Variants in ZNF334 observed in about 807,000 individuals in gnomAD.
ZNF334 encodes zinc finger protein 334.
In ZNF334, 14 loss-of-function variants were observed where a neutral mutation model predicts 12.4. The ratio of observed to expected loss-of-function variants is 1.13; its 90% CI spans 0.74 to 1.76. The LOEUF (loss-of-function observed/expected upper bound fraction) is 1.76. Among genes scored for constraint, ZNF334 ranks in the 40% most tolerant of loss-of-function variants. The pLI is 0.00. For synonymous variants in ZNF334, 273 were observed against 269.6 expected, an observed-to-expected ratio of 1.01 and a Z score of -0.12; for missense variants, 797 against 804.5, an observed-to-expected ratio of 0.99 and a Z score of 0.11.
chr20:46,473,493 T>C, the ZNF334 span, among the ~76,000 whole-genome samples: 1 of 152,264 alleles, frequency 6.6e-6, no homozygotes, highest in African/African-American at 2.4e-5. Context: ...TAAGAACTGC[T>C]CTAACTATAC....
intron 2 of ZNF334, chr20:46,506,380 C>T (rs1213618951): frequency 1.8e-6 from 1 of 565,748 alleles, no homozygotes; most frequent in Non-Finnish European, 3.2e-6. Flanking sequence ...AATCCCAGCA[C>T]TCTGAGAGGT....
the ZNF334 span, among the ~76,000 whole-genome samples, chr20:46,475,673 G>T: frequency 3.9e-5 from 6 of 152,288 alleles, no homozygotes; most frequent in Non-Finnish European, 8.8e-5. Flanking sequence ...CACATGAAAA[G>T]TGTTCAACAT....
the ZNF334 span, among the ~76,000 whole-genome samples, chr20:46,468,928 G>A: frequency 1.3e-5 from 2 of 152,218 alleles, no homozygotes; most frequent in African/African-American, 4.8e-5. Context: ...CTGTACTATA[G>A]GTGGCACTGT....
chr20:46,511,022 A>T (rs1341223271), intron 2 of ZNF334, among the ~76,000 whole-genome samples: 1 of 152,114 alleles, frequency 6.6e-6, no homozygotes, highest in Non-Finnish European at 1.5e-5. Context: ...CATGAAAAAA[A>T]ATCAGAAAGA....
the ZNF334 span, chr20:46,464,030 C>T: frequency 1.6e-6 from 1 of 635,958 alleles, no homozygotes; most frequent in Admixed American, 1.8e-5. Context: ...ACAACCTCTT[C>T]TTCATTGTTG....
chr20:46,506,166 G>C (rs2069531624), intron 2 of ZNF334: 2 of 398,116 alleles, frequency 5.0e-6, no homozygotes, highest in African/African-American at 2.1e-5. Context: ...CTGGCAGTTT[G>C]ATATATGGTT....
At chr20:46,480,520 C>T in the ZNF334 span, among the ~76,000 whole-genome samples, 2 of 152,042 alleles carry the variant, frequency 1.3e-5, no homozygotes, top group African/African-American at 4.8e-5. Flanking sequence ...TGGCACAAAC[C>T]TATCTGGGTG....
At chr20:46,499,492 G>C (rs1265543143), downstream of ZNF334, 1 of 152,032 alleles carries the variant, frequency 6.6e-6, no homozygotes, top group East Asian at 1.9e-4. Context: ...TTGAAATTTG[G>C]TGTCTTATTG....
At chr20:46,505,992 A>T in intron 2 of ZNF334, 1 of 184,300 alleles carries the variant, frequency 5.4e-6, no homozygotes. Context: ...CAGTAGATGT[A>T]ATGTGCATAT....
chr20:46,488,380 C>T, the ZNF334 span, among the ~76,000 whole-genome samples: 2 of 133,294 alleles, frequency 1.5e-5, no homozygotes, highest in South Asian at 4.6e-4. Flanking sequence ...TAGTATACTC[C>T]TTCATGTAGA....
the ZNF334 span, among the ~76,000 whole-genome samples, chr20:46,469,504 G>A: frequency 6.6e-6 from 1 of 151,730 alleles, no homozygotes; most frequent in East Asian, 1.9e-4. Context: ...GAGTAGCTGA[G>A]ACTACAGGTG....
Position 46,499,711 on chromosome 20 carries a change from T to C in ZNF334, c.*1585A>G, listed in dbSNP as rs2061089243. The stretch of plus-strand genomic sequence containing the variant: ...TTCTTTCACAATAGCAACCAAATCT[T>C]TGAAGTGACTATTAATACATTTCAC... On this transcript the variant is annotated 3_prime_UTR_variant, in exon 5 of 5. Transcript: ENST00000692313. The C allele has an allele frequency of 1.3e-5, 2 of 152,210 alleles. No homozygotes were observed. Among genetic ancestry groups the C allele is most frequent in the Non-Finnish European group, 2.9e-5 (2 of 68,036 alleles). The allele number at this position is 152,210 out of a possible 1,614,324, so 9.4% of individuals were successfully genotyped here. A position where few individuals can be genotyped will look rare whatever the true frequency, so the allele number is the denominator to read the frequency against.
In ZNF334 at chr20:46,501,924, T is replaced by C. The variant is rs139473216; in HGVS notation, c.1415A>G (p.His472Arg). Residue 472 changes from histidine (H) to arginine (R), a missense_variant, in exon 5 of 5, where the codon CAT (histidine) becomes CGT (arginine). Physicochemically the swap from His to Arg is conservative, Grantham distance 29. Transcript: ENST00000692313. ...CTGATGTATAGTGAGTGTTGACTTATGGCAGAAAAATTTCCCACATTCATT... is the reference window on the plus strand; with the variant it reads ...CTGATGTATAGTGAGTGTTGACTTACGGCAGAAAAATTTCCCACATTCATT... ...ECNECGKFFC[H>R]KSTLTIHQRT... 5.6e-6 allele frequency: 9 copies of C among 1,614,018 alleles called. No individual in the cohort carries two copies. The highest frequency in any genetic ancestry group is 4.5e-5 in the East Asian group (2 of 44,896).
chr20:46,512,378 A>T (rs1421248270), intron 1 of ZNF334, among the ~76,000 whole-genome samples, 162 bp downstream of exon 1: 1 of 152,216 alleles, frequency 6.6e-6, no homozygotes, highest in East Asian at 1.9e-4. Flanking sequence ...CTGTCAATCT[A>T]TGCCTCCTTT....
At position 46,509,704 on chromosome 20, in the gene ZNF334, C is replaced by T. The variant is rs1382854914; in HGVS notation, c.21+2378G>A. ...CATCATCTGGCTCCACCATCTGGCC[C>T]CTCAGGAAGCTGGTACCACACCTCA... On this transcript the variant is annotated intron_variant, in intron 2 of 4. Transcript: ENST00000692313. 4.3e-6 allele frequency: 3 copies of T among 702,346 alleles called. No homozygotes were observed. The African/African-American group carries it at 5.2e-5, about 12-fold the overall frequency. The allele number at this position is 702,346 out of a possible 1,614,324, so 43.5% of individuals were successfully genotyped here.
At chr20:46,466,682 C>G in the ZNF334 span, among the ~76,000 whole-genome samples, 1 of 152,060 alleles carries the variant, frequency 6.6e-6, no homozygotes, top group African/African-American at 2.4e-5. Flanking sequence ...CGGGGTTTTG[C>G]CATTTTGGCC....
the ZNF334 span, among the ~76,000 whole-genome samples, chr20:46,468,316 C>T: frequency 7.2e-5 from 11 of 151,918 alleles, no homozygotes; most frequent in Admixed American, 7.2e-4. Context: ...CGCTCTGTCG[C>T]CCAGGCTGGA....
the ZNF334 span, among the ~76,000 whole-genome samples, chr20:46,468,081 T>C: frequency 2.0e-5 from 3 of 152,312 alleles, no homozygotes; most frequent in African/African-American, 4.8e-5. Context: ...CTAATATTGA[T>C]GTAGGGCAGG....
At chr20:46,482,684 G>A in the ZNF334 span, among the ~76,000 whole-genome samples, 1 of 152,002 alleles carries the variant, frequency 6.6e-6, no homozygotes, top group Non-Finnish European at 1.5e-5. Flanking sequence ...GATCTATTGT[G>A]TATAGATATG....
Sources: gnomAD v4.1 joint callset for allele counts (sites outside exome capture counted in the v4.1 genomes callset) on GRCh38, gnomAD v4.1.1 for gene constraint, MANE v1.5 for transcripts, NCBI Gene and HGNC (gene_info 2026-07-23, HGNC 2026-07-21) for gene names.